ITPR1: variants seen among roughly 807,000 people sequenced by gnomAD.
ITPR1 encodes inositol 1,4,5-trisphosphate-gated calcium channel ITPR1.
ITPR1 carries 96 observed loss-of-function variants against 318.4 expected under a neutral mutation model. That is an observed-to-expected ratio of 0.30 (90% CI 0.26 to 0.36). The LOEUF is 0.36. Ranked by LOEUF, ITPR1 falls within the 10% of genes least tolerant of loss-of-function variation. The pLI is 1.00. For missense variants in ITPR1, 2,440 were observed against 3,460.2 expected (o/e 0.71, Z 7.40); for synonymous variants, 1,312 against 1,289.9 (o/e 1.02, Z -0.37).
At chr3:4,713,634 T>C (rs1487693676) in intron 39 of ITPR1, among the ~76,000 whole-genome samples, 1 of 152,172 alleles carries the variant, frequency 6.6e-6, no homozygotes, top group East Asian at 1.9e-4. Context: ...AATGTCGTAA[T>C]GCATGTTATA....
chr3:4,785,775 C>G (rs987206899), intron 51 of ITPR1, among the ~76,000 whole-genome samples: 1 of 152,192 alleles, frequency 6.6e-6, no homozygotes, highest in East Asian at 1.9e-4. Context: ...GGTCACCTAG[C>G]TTTTTAGGGA....
At chr3:4,499,539 C>T (rs1321914247) in intron 2 of ITPR1, among the ~76,000 whole-genome samples, 1 of 152,062 alleles carries the variant, frequency 6.6e-6, no homozygotes, top group Non-Finnish European at 1.5e-5. Context: ...TAATTTTACA[C>T]ATACACGTAT....
chr3:4,519,146 G>A (rs565128402), intron 3 of ITPR1, among the ~76,000 whole-genome samples: 1 of 152,244 alleles, frequency 6.6e-6, no homozygotes, highest in African/African-American at 2.4e-5. Context: ...GTGGCAGAGT[G>A]CCATCTACAA....
At chr3:4,570,641 T>C (rs1423015731) in intron 4 of ITPR1, among the ~76,000 whole-genome samples, 1 of 152,278 alleles carries the variant, frequency 6.6e-6, no homozygotes, top group Non-Finnish European at 1.5e-5. Flanking sequence ...TATTTAATTC[T>C]ACAGTAGCTG....
chr3:4,658,024 C>T, intron 12 of ITPR1, 100 bp from the exon 13 acceptor site: 1 of 1,202,448 alleles, frequency 8.3e-7, no homozygotes. Flanking sequence ...TGCTGACATT[C>T]ACGATCCTTT....
intron 4 of ITPR1, among the ~76,000 whole-genome samples, chr3:4,550,256 C>T (rs957549992): frequency 3.3e-5 from 5 of 152,162 alleles, no homozygotes; most frequent in African/African-American, 1.2e-4. Flanking sequence ...GCTGTTTAGA[C>T]TCAAGGGCCA....
intron 5 of ITPR1, among the ~76,000 whole-genome samples, chr3:4,634,387 T>C (rs1296550357): frequency 6.6e-6 from 1 of 151,752 alleles, no homozygotes; most frequent in African/African-American, 2.4e-5. Flanking sequence ...AATTTTTGTA[T>C]TTTTTGAAGA....
chr3:4,557,747 G>A (rs1381405704), intron 4 of ITPR1, among the ~76,000 whole-genome samples: 1 of 152,102 alleles, frequency 6.6e-6, no homozygotes, highest in Non-Finnish European at 1.5e-5. Context: ...CTATATCAAA[G>A]TTATAGTGTA....
chr3:4,777,885 T>A (rs1321327295), intron 48 of ITPR1, among the ~76,000 whole-genome samples: 2 of 152,092 alleles, frequency 1.3e-5, no homozygotes, highest in Non-Finnish European at 2.9e-5. Flanking sequence ...GGGTGGTTAA[T>A]AATGTTGGTT....
intron 59 of ITPR1, among the ~76,000 whole-genome samples, chr3:4,815,695 G>A (rs2049249175): frequency 6.6e-6 from 1 of 152,050 alleles, no homozygotes; most frequent in African/African-American, 2.4e-5. Flanking sequence ...GAAAATATTT[G>A]TAAATGTAAA....
At chr3:4,679,174 A>G (rs575826161) in intron 24 of ITPR1, among the ~76,000 whole-genome samples, 1 of 152,342 alleles carries the variant, frequency 6.6e-6, no homozygotes, top group African/African-American at 2.4e-5. Context: ...GCTGATGATC[A>G]GGCAACTGAC....
Position 4,627,602 on chromosome 3 carries a change from A to C in ITPR1, c.164-161A>C, listed in dbSNP as rs2092876575. 5.3e-5 allele frequency among the ~76,000 whole-genome samples: 8 copies of C among 152,356 alleles called. No homozygotes were observed. The South Asian group carries it at 1.7e-3, about 32-fold the overall frequency. On this transcript the variant is annotated intron_variant, in intron 4 of 61. Coordinates refer to ENST00000649015, the MANE Select transcript of ITPR1 (RefSeq NM_001378452.1). ...GTTTCCTCGGCGGTGGTGGCAATTA[A>C]ATTCAAAAAGAGATTTGTCAAAGAG...
chr3:4,656,122 G>A (rs878915375), intron 12 of ITPR1, among the ~76,000 whole-genome samples: 8 of 152,198 alleles, frequency 5.3e-5, no homozygotes, highest in Admixed American at 1.3e-4. Flanking sequence ...AGAGGCTCCC[G>A]CTCCTCTGCC....
In ITPR1 at chr3:4,675,172, GACA is replaced by G; in HGVS notation, c.2708_2710del (p.Thr903del). ...TGGCCATATTGGACTGTGTACATGT[GACA>G]ACAATCTTCCCCATTAGCAAGATGG... On this transcript the variant is annotated inframe_deletion, in exon 23 of 62. Transcript: ENST00000649015. The G allele has an allele frequency of 1.2e-6, 2 of 1,611,590 alleles. No individual in the cohort carries two copies. The highest frequency in any genetic ancestry group is 1.1e-5 in the South Asian group (1 of 90,564).
chr3:4,714,701 G>T (rs1459976710), intron 39 of ITPR1, among the ~76,000 whole-genome samples: 1 of 152,184 alleles, frequency 6.6e-6, no homozygotes, highest in African/African-American at 2.4e-5. Flanking sequence ...ATGACGAGAC[G>T]TAGGTACCTT....
At chr3:4,621,837 C>T (rs2092647906) in intron 4 of ITPR1, among the ~76,000 whole-genome samples, 1 of 152,220 alleles carries the variant, frequency 6.6e-6, no homozygotes, top group African/African-American at 2.4e-5. Flanking sequence ...TTTATGAAGG[C>T]TGGCTCCTCC....
intron 4 of ITPR1, among the ~76,000 whole-genome samples, chr3:4,558,558 T>C (rs964712829): frequency 5.3e-5 from 8 of 152,180 alleles, no homozygotes; most frequent in African/African-American, 1.9e-4. Context: ...TTAAGAGTTA[T>C]TGTAGGTGAT....
chr3:4,735,191 G>T lies in ITPR1; in HGVS notation c.5381G>T (p.Ser1794Ile), dbSNP rs1310343086. Residue 1794 changes from serine to isoleucine, a missense_variant, in exon 44 of 62, where the codon AGC becomes ATC. Ser to Ile is a moderately radical substitution (Grantham distance 142). This residue lies in a region of ITPR1 where 166 missense variants were observed against 143.7 expected (regional missense o/e 1.16). Transcript: ENST00000649015. ...GGGGSGSSSM[S>I]RGEMSLAEVQ... is the part of the protein sequence containing the mutation. ...GGAGGTTCCGGATCCAGCTCTATGA[G>T]CAGGGGTGAGATGAGTCTGGCCGAG... 1.2e-6 allele frequency: 2 copies of T among 1,613,796 alleles called. No individual in the cohort carries two copies.
At chr3:4,679,277 T>C (rs968555925) in intron 24 of ITPR1, among the ~76,000 whole-genome samples, 1 of 152,138 alleles carries the variant, frequency 6.6e-6, no homozygotes, top group Non-Finnish European at 1.5e-5. Flanking sequence ...ACAAATAGGA[T>C]ACATACAGAT....
Sources: allele counts gnomAD v4.1 joint callset (sites outside exome capture counted in the v4.1 genomes callset), GRCh38; gene constraint gnomAD v4.1.1; regional missense constraint gnomAD v4.1.1; transcripts MANE v1.5; gene names NCBI Gene and HGNC (gene_info 2026-07-23, HGNC 2026-07-21).